NT5C2: variants seen among roughly 807,000 people sequenced by gnomAD.
NT5C2 encodes 5'-nucleotidase, cytosolic II.
NT5C2 carries 58 observed loss-of-function variants against 76.1 expected under a neutral mutation model. That is an observed-to-expected ratio of 0.76 (90% CI 0.62 to 0.95). The LOEUF is 0.95. Among genes scored for constraint, NT5C2 ranks in the 40% least tolerant of loss-of-function variants. The pLI is 0.00. For synonymous variants in NT5C2, 229 were observed against 237.4 expected (o/e 0.96, Z 0.32); for missense variants, 478 against 690.3 (o/e 0.69, Z 3.45).
At chr10:103,156,939 C>A (rs990372057) in intron 3 of NT5C2, among the ~76,000 whole-genome samples, 3 of 151,918 alleles carry the variant, frequency 2.0e-5, no homozygotes, top group African/African-American at 4.8e-5. Flanking sequence ...TGCCTGTAAT[C>A]CCAGCTACTC....
chr10:103,114,989 T>C (rs2073986955), intron 4 of NT5C2, among the ~76,000 whole-genome samples: 1 of 152,246 alleles, frequency 6.6e-6, no homozygotes, highest in African/African-American at 2.4e-5. Flanking sequence ...CCTTTCCTCA[T>C]TGGCCATTAT....
intron 4 of NT5C2, among the ~76,000 whole-genome samples, chr10:103,121,832 C>G (rs1173573270): frequency 6.6e-6 from 1 of 152,074 alleles, no homozygotes; most frequent in Non-Finnish European, 1.5e-5. Context: ...AAATGTATTT[C>G]CAATCCCCCT....
chr10:103,154,810 A>G (rs2083041879), intron 3 of NT5C2, among the ~76,000 whole-genome samples: 1 of 152,238 alleles, frequency 6.6e-6, no homozygotes, highest in African/African-American at 2.4e-5. Flanking sequence ...CTATCCTCAA[A>G]GCAAATTCCA....
At position 103,105,689 on chromosome 10, in the gene NT5C2, A is replaced by G. The variant is rs751049595; in HGVS notation, c.389+17T>C. On this transcript the variant is annotated intron_variant, in intron 6 of 18. Transcript: ENST00000404739. ...GACTTTAACATTAGAAAGAGGCTAAAGGTTCTCTGTACTCACCCCCTTATA... is the reference window on the plus strand; with the variant it reads ...GACTTTAACATTAGAAAGAGGCTAAGGGTTCTCTGTACTCACCCCCTTATA... The G allele has an allele frequency of 8.6e-6, 13 of 1,514,018 alleles. No homozygotes were observed. Among genetic ancestry groups the G allele is most frequent in the Non-Finnish European group, 1.2e-5 (13 of 1,092,086 alleles). The allele number at this position is 1,514,018 out of a possible 1,614,324, so 93.8% of individuals were successfully genotyped here. A position where few individuals can be genotyped will look rare whatever the true frequency, so the allele number is the denominator to read the frequency against.
chr10:103,097,142 C>G (rs986751326), intron 11 of NT5C2, 149 bp downstream of exon 11: 7 of 535,554 alleles, frequency 1.3e-5, no homozygotes, highest in Non-Finnish European at 2.0e-5. Context: ...CCACTGTTAT[C>G]CTGTATATTT....
At chr10:103,131,758 TA>T (rs1327995191) in intron 4 of NT5C2, among the ~76,000 whole-genome samples, 2 of 152,022 alleles carry the variant, frequency 1.3e-5, no homozygotes, top group African/African-American at 4.8e-5. Context: ...CTGTCACTAC[TA>T]AACAATGAAA....
chr10:103,121,942 G>A (rs2075747042), intron 4 of NT5C2, among the ~76,000 whole-genome samples: 1 of 152,202 alleles, frequency 6.6e-6, no homozygotes, highest in Non-Finnish European at 1.5e-5. Flanking sequence ...AGGAGGCTGA[G>A]GAGGGCAGAT....
Position 103,134,629 on chromosome 10 carries a change from A to G in NT5C2, c.175+4777T>C, listed in dbSNP as rs181408576. ...AAATGTGGGGTCAGAGCCCCCACAC[A>G]GAGTCCCTACTAGGGCACTGCCTAT... On this transcript the variant is annotated intron_variant, in intron 4 of 18. Coordinates refer to ENST00000404739, the MANE Select transcript of NT5C2 (RefSeq NM_001351169.2). Among the ~76,000 whole-genome samples the G allele has an allele frequency of 7.5e-4, 114 of 152,360 alleles. 1 individual carries two copies. The highest frequency in any genetic ancestry group is 2.7e-3 in the African/African-American group (111 of 41,586).
chr10:103,166,959 T>C (rs1256802923), intron 3 of NT5C2, among the ~76,000 whole-genome samples: 1 of 152,038 alleles, frequency 6.6e-6, no homozygotes, highest in African/African-American at 2.4e-5. Flanking sequence ...AGCCACAGTT[T>C]TGATGTTCTA....
intron 1 of NT5C2, among the ~76,000 whole-genome samples, chr10:103,183,189 T>A (rs942063117): frequency 6.7e-6 from 1 of 150,180 alleles, no homozygotes; most frequent in Non-Finnish European, 1.5e-5. Flanking sequence ...ATAGCTTTTT[T>A]AAGTATTTTG....
intron 3 of NT5C2, among the ~76,000 whole-genome samples, chr10:103,170,359 C>T (rs1487754783): frequency 6.6e-6 from 1 of 151,892 alleles, no homozygotes; most frequent in Non-Finnish European, 1.5e-5. Context: ...AAACATCAAG[C>T]CTTTGAAAAT....
chr10:103,116,356 G>A (rs2074322831), intron 4 of NT5C2, among the ~76,000 whole-genome samples: 1 of 152,072 alleles, frequency 6.6e-6, no homozygotes, highest in South Asian at 2.1e-4. Flanking sequence ...AAATCAGAAA[G>A]TTTTAACATT....
chr10:103,138,404 A>G (rs2079717582), intron 4 of NT5C2, among the ~76,000 whole-genome samples: 1 of 152,052 alleles, frequency 6.6e-6, no homozygotes, highest in African/African-American at 2.4e-5. Flanking sequence ...TGCGTTAGGT[A>G]TTTGTCCTAA....
chr10:103,101,098 G>C lies in NT5C2; in HGVS notation c.486C>G (p.Thr162=), dbSNP rs749019579. The part of the protein sequence containing the change: ...ILNTLFNLPE[T]YLLACLVDFF... ...AATCTACTAGGCAGGCCAACAGGTA[G>C]GTCTCTGAAAAATGAAGAACAGATA... Residue 162 remains threonine, a synonymous_variant, in exon 8 of 19, where the codon ACC becomes ACG. Coordinates refer to ENST00000404739, the MANE Select transcript of NT5C2 (RefSeq NM_001351169.2). 4 of 1,593,526 alleles carry C rather than the reference G, an allele frequency of 2.5e-6. No individual in the cohort carries two copies. The Admixed American group carries it at 6.7e-5, about 27-fold the overall frequency.
intron 3 of NT5C2, among the ~76,000 whole-genome samples, chr10:103,147,792 G>A (rs1379439827): frequency 2.6e-5 from 4 of 152,110 alleles, no homozygotes; most frequent in Non-Finnish European, 5.9e-5. Context: ...ACTTAATAGG[G>A]GTTTGTCATT....
At chr10:103,166,809 T>C (rs955206735) in intron 3 of NT5C2, among the ~76,000 whole-genome samples, 5 of 151,854 alleles carry the variant, frequency 3.3e-5, no homozygotes, top group African/African-American at 1.2e-4. Context: ...CACAGCACCA[T>C]ACTCAGCTAA....
intron 3 of NT5C2, among the ~76,000 whole-genome samples, chr10:103,162,217 T>C (rs1010703297): frequency 4.6e-5 from 7 of 152,080 alleles, no homozygotes; most frequent in African/African-American, 9.7e-5. Flanking sequence ...GGTTTCACCA[T>C]GTTGGCCAGG....
chr10:103,150,795 T>G (rs1485593538), intron 3 of NT5C2, among the ~76,000 whole-genome samples: 7 of 152,208 alleles, frequency 4.6e-5, no homozygotes, highest in Non-Finnish European at 1.0e-4. Context: ...TGCCCGTTTT[T>G]AAACTGGGCT....
chr10:103,099,608 T>C (rs1271054025), intron 9 of NT5C2, among the ~76,000 whole-genome samples: 1 of 152,038 alleles, frequency 6.6e-6, no homozygotes, highest in Non-Finnish European at 1.5e-5. Flanking sequence ...GGGAGGTATC[T>C]GGACAAAAAA....
Sources: gnomAD v4.1 joint callset for allele counts (sites outside exome capture counted in the v4.1 genomes callset) on GRCh38, gnomAD v4.1.1 for gene constraint, MANE v1.5 for transcripts, NCBI Gene and HGNC (gene_info 2026-07-23, HGNC 2026-07-21) for gene names.